Variants in LINGO2 observed in about 807,000 individuals in gnomAD.
LINGO2 encodes leucine rich repeat and Ig domain containing 2.
In LINGO2, 14 loss-of-function variants were observed where a neutral mutation model predicts 30.6. The ratio of observed to expected loss-of-function variants is 0.46; its 90% CI spans 0.30 to 0.72. The LOEUF (loss-of-function observed/expected upper bound fraction) is 0.72. Ranked by LOEUF, LINGO2 falls within the 30% of genes least tolerant of loss-of-function variation. LINGO2 has a pLI of 0.07. For missense variants in LINGO2, 729 were observed against 751.7 expected (o/e 0.97, Z 0.35); for synonymous variants, 317 against 288.5 (o/e 1.10, Z -1.00).
chr9:28,822,012 C>A, the LINGO2 span, among the ~76,000 whole-genome samples: 2 of 152,084 alleles, frequency 1.3e-5, no homozygotes, highest in African/African-American at 4.8e-5. Flanking sequence ...TCAACAGAGA[C>A]CTGAAGCAGC....
upstream of LINGO2, chr9:28,670,377 T>C (rs1160474118): frequency 1.3e-5 from 2 of 152,134 alleles, no homozygotes; most frequent in African/African-American, 4.8e-5. Context: ...ATCACTCTAC[T>C]GCCTTTTTAA....
chr9:28,990,217 C>A, the LINGO2 span, among the ~76,000 whole-genome samples: 1 of 152,178 alleles, frequency 6.6e-6, no homozygotes, highest in Non-Finnish European at 1.5e-5. Flanking sequence ...GCATCCGGCT[C>A]GGAGGGTCCT....
intron 4 of LINGO2, among the ~76,000 whole-genome samples, chr9:28,138,509 T>TCA (rs1371673660): frequency 6.6e-6 from 1 of 152,202 alleles, no homozygotes; most frequent in Non-Finnish European, 1.5e-5. Flanking sequence ...CATATTTGAA[T>TCA]CTAAGATAAG....
At chr9:27,960,037 T>G (rs1819760219) in intron 5 of LINGO2, among the ~76,000 whole-genome samples, 2 of 152,184 alleles carry the variant, frequency 1.3e-5, no homozygotes, top group South Asian at 4.1e-4. Flanking sequence ...TTCCTTGTTT[T>G]TAAGTCATCT....
intron 3 of LINGO2, among the ~76,000 whole-genome samples, chr9:28,316,852 G>T (rs2134281354): frequency 6.6e-6 from 1 of 152,148 alleles, no homozygotes; most frequent in East Asian, 1.9e-4. Context: ...TAGGATGAGG[G>T]ATTTTTAAGC....
the LINGO2 span, among the ~76,000 whole-genome samples, chr9:29,141,826 T>A: frequency 1.3e-5 from 2 of 151,830 alleles, no homozygotes; most frequent in Non-Finnish European, 2.9e-5. Context: ...TATATCATGA[T>A]AAAAAGCCAA....
the LINGO2 span, among the ~76,000 whole-genome samples, chr9:29,184,595 T>G: frequency 6.6e-6 from 1 of 152,120 alleles, no homozygotes; most frequent in African/African-American, 2.4e-5. Flanking sequence ...AATTACCCAT[T>G]ACCTTACACT....
At chr9:29,014,417 A>T in the LINGO2 span, among the ~76,000 whole-genome samples, 1 of 152,148 alleles carries the variant, frequency 6.6e-6, no homozygotes, top group African/African-American at 2.4e-5. Context: ...CCATTGCTGT[A>T]ATCTAATAAT....
rs1327789845 is a variant in LINGO2 at position 28,529,639 on chromosome 9, TA to T, written c.-364-53615del. ...TTTTTTTTTTTTGCCATCTCTATTT[TA>T]GCTACTGGGTTTACTGCCCTGGGAG... On this transcript the variant is annotated intron_variant, in intron 1 of 5. Transcript: ENST00000379992. Among the ~76,000 whole-genome samples the T allele has an allele frequency of 1.7e-4, 26 of 151,710 alleles. 1 individual carries two copies. Among genetic ancestry groups the T allele is most frequent in the Admixed American group, 3.3e-4 (5 of 15,198 alleles).
chr9:28,122,022 T>G (rs971961366), intron 4 of LINGO2, among the ~76,000 whole-genome samples: 1 of 146,982 alleles, frequency 6.8e-6, no homozygotes, highest in Non-Finnish European at 1.5e-5. Context: ...AAAGATGAAT[T>G]GACTTACATG....
At chr9:28,587,719 T>C (rs17776325) in intron 1 of LINGO2, among the ~76,000 whole-genome samples, 1 of 151,530 alleles carries the variant, frequency 6.6e-6, no homozygotes, top group Non-Finnish European at 1.5e-5. Flanking sequence ...GGAGAGGGAA[T>C]CTTAGCACAA....
intron 2 of LINGO2, among the ~76,000 whole-genome samples, chr9:28,429,267 C>T (rs185567192): frequency 6.6e-6 from 1 of 152,236 alleles, no homozygotes; most frequent in Admixed American, 6.5e-5. Context: ...ATATTGTATG[C>T]TCTGGACTTT....
the LINGO2 span, among the ~76,000 whole-genome samples, chr9:28,768,828 C>G: frequency 6.6e-6 from 1 of 152,076 alleles, no homozygotes; most frequent in Non-Finnish European, 1.5e-5. Flanking sequence ...CATAAGCACA[C>G]AGTATGACAG....
the LINGO2 span, among the ~76,000 whole-genome samples, chr9:28,874,885 C>T: frequency 6.6e-6 from 1 of 152,060 alleles, no homozygotes; most frequent in African/African-American, 2.4e-5. Flanking sequence ...GACAAATATC[C>T]ATAGTGTGCC....
At chr9:28,383,244 TCAC>T (rs1241369743) in intron 2 of LINGO2, among the ~76,000 whole-genome samples, 1 of 132,034 alleles carries the variant, frequency 7.6e-6, no homozygotes, top group Non-Finnish European at 1.6e-5. Flanking sequence ...ACACTATAGA[TCAC>T]CATTCATTGT....
At chr9:27,950,747 GT>G in intron 5 of LINGO2, 41 bp from the exon 7 acceptor site, 1 of 1,217,936 alleles carries the variant, frequency 8.2e-7, no homozygotes, top group Non-Finnish European at 1.1e-6. Flanking sequence ...GAGAAGGTGA[GT>G]TAGGATATAA....
chr9:28,009,680 C>T (rs1017707732), intron 5 of LINGO2, among the ~76,000 whole-genome samples: 1 of 152,098 alleles, frequency 6.6e-6, no homozygotes, highest in Non-Finnish European at 1.5e-5. Context: ...TTCACATCTG[C>T]TAGATGGTTA....
chr9:29,016,706 T>C, the LINGO2 span, among the ~76,000 whole-genome samples: 1 of 152,312 alleles, frequency 6.6e-6, no homozygotes, highest in East Asian at 1.9e-4. Flanking sequence ...TCAATCTTAT[T>C]TTTAAGAACT....
chr9:29,188,706 AC>A, the LINGO2 span, among the ~76,000 whole-genome samples: 5 of 135,344 alleles, frequency 3.7e-5, no homozygotes, highest in African/African-American at 5.6e-5. Flanking sequence ...CGGGGGGCTG[AC>A]CCCCCCACCT....
Sources: allele counts gnomAD v4.1 joint callset (sites outside exome capture counted in the v4.1 genomes callset), GRCh38; gene constraint gnomAD v4.1.1; transcripts MANE v1.5; gene names NCBI Gene and HGNC (gene_info 2026-07-23, HGNC 2026-07-21).